Variants in ACSL5 observed in about 807,000 individuals in gnomAD.
ACSL5 encodes the protein acyl-CoA synthetase long chain family member 5.
Under a neutral mutation model 84.9 loss-of-function variants are expected in ACSL5, and 50 were observed. The ratio of observed to expected loss-of-function variants is 0.59; its 90% CI spans 0.47 to 0.75. The LOEUF (loss-of-function observed/expected upper bound fraction) is 0.75. Among genes scored for constraint, ACSL5 ranks in the 30% least tolerant of loss-of-function variants. The probability of loss-of-function intolerance (pLI) is 0.00; values close to 1 mark genes in which losing one functional copy is unlikely to be tolerated. For synonymous variants in ACSL5, 280 were observed against 300.7 expected, an observed-to-expected ratio of 0.93 and a Z score of 0.71; for missense variants, 775 against 830.4, an observed-to-expected ratio of 0.93 and a Z score of 0.82.
intron 1 of ACSL5, among the ~76,000 whole-genome samples, chr10:112,383,431 C>G (rs1849389511): frequency 6.6e-6 from 1 of 152,262 alleles, no homozygotes; most frequent in African/African-American, 2.4e-5. Flanking sequence ...AGGTCAGGAT[C>G]TCAGGCCATC....
intron 3 of ACSL5, among the ~76,000 whole-genome samples, chr10:112,400,766 C>T (rs1355304385): frequency 2.0e-5 from 3 of 151,990 alleles, no homozygotes; most frequent in Non-Finnish European, 4.4e-5. Context: ...GTTGTCCAAG[C>T]TAGTCTCAAA....
chr10:112,396,892 G>A (rs1038897628), intron 2 of ACSL5, among the ~76,000 whole-genome samples: 1 of 152,112 alleles, frequency 6.6e-6, no homozygotes, highest in African/African-American at 2.4e-5. Flanking sequence ...TAACGTGATG[G>A]CCCATGTAAA....
intron 1 of ACSL5, among the ~76,000 whole-genome samples, chr10:112,389,248 G>A (rs1014869931): frequency 6.6e-6 from 1 of 152,128 alleles, no homozygotes. Context: ...GGCAGAAGGC[G>A]TCCTTCAGCT....
intron 1 of ACSL5, among the ~76,000 whole-genome samples, chr10:112,381,472 G>A (rs1487909135): frequency 3.3e-5 from 5 of 151,682 alleles, no homozygotes; most frequent in Admixed American, 2.0e-4. Context: ...TTCGAGACCA[G>A]CCTGGCCAAC....
At position 112,410,593 on chromosome 10, in the gene ACSL5, C is replaced by G. The variant is rs1418836878; in HGVS notation, c.754C>G (p.Pro252Ala). 1.1e-5 allele frequency: 18 copies of G among 1,613,928 alleles called. No homozygotes were observed. The highest frequency in any genetic ancestry group is 1.2e-5 in the Non-Finnish European group (14 of 1,180,028). ...EHFRKPVPPS[P>A]EDLSVICFTS... ...GTGCTTCCTCCTCCAGCCTCCTAGC[C>G]CAGAAGACCTGAGCGTCATCTGCTT... The change falls in exon 9 of 21, where the codon CCA (proline) becomes GCA (alanine). Residue 252 changes from proline to alanine, a missense_variant. By Grantham distance (27) the Pro-to-Ala change is conservative (BLOSUM62 -1). Coordinates refer to ENST00000354655, the MANE Select transcript of ACSL5 (RefSeq NM_203379.2).
chr10:112,394,673 C>T (rs1843707054), intron 1 of ACSL5: 1 of 899,142 alleles, frequency 1.1e-6, no homozygotes, highest in African/African-American at 1.8e-5. Context: ...TTGATCCTCC[C>T]TGCTCTGTGT....
intron 1 of ACSL5, among the ~76,000 whole-genome samples, chr10:112,393,807 A>G (rs1843690617): frequency 6.6e-6 from 1 of 152,242 alleles, no homozygotes; most frequent in Non-Finnish European, 1.5e-5. Flanking sequence ...GTAGGTTTTC[A>G]TAGAGAAGTA....
In ACSL5 at chr10:112,411,882, T is replaced by C; in HGVS notation, c.871-20T>C. 6.2e-7 allele frequency: 1 copy of C among 1,606,764 alleles called. No homozygotes were observed. Among genetic ancestry groups the C allele is most frequent in the Non-Finnish European group, 8.5e-7 (1 of 1,173,310 alleles). ...GCATTAATCTCATGTTGCCTCCTCT[T>C]ACTTCCCTGGCCTACATAGCATGCT... On this transcript the variant is annotated intron_variant, in intron 10 of 20. Transcript: ENST00000354655.
chr10:112,387,429 C>T (rs2133576368), intron 1 of ACSL5, among the ~76,000 whole-genome samples: 1 of 152,284 alleles, frequency 6.6e-6, no homozygotes, highest in East Asian at 1.9e-4. Flanking sequence ...TTTGTAATTT[C>T]ATACTGGCCT....
intron 17 of ACSL5, among the ~76,000 whole-genome samples, chr10:112,423,662 A>C (rs1026913901): frequency 6.6e-6 from 1 of 152,122 alleles, no homozygotes; most frequent in African/African-American, 2.4e-5. Context: ...TGAAGGTGGG[A>C]TTCTTTAACA....
chr10:112,416,295 C>T (rs1339968736), intron 12 of ACSL5, among the ~76,000 whole-genome samples: 2 of 151,924 alleles, frequency 1.3e-5, no homozygotes. Context: ...CATGGTGAAA[C>T]CCTGTCTCTA....
intron 3 of ACSL5, among the ~76,000 whole-genome samples, chr10:112,399,769 A>G (rs1019508642): frequency 2.0e-5 from 3 of 152,240 alleles, no homozygotes; most frequent in Non-Finnish European, 4.4e-5. Context: ...ACTCCTGTCA[A>G]GTGTTAACTA....
intron 1 of ACSL5, among the ~76,000 whole-genome samples, chr10:112,382,918 C>A (rs76377062): frequency 2.0e-5 from 3 of 152,148 alleles, no homozygotes; most frequent in Non-Finnish European, 4.4e-5. Flanking sequence ...TAACAGGGCT[C>A]CCTTTGGTAA....
intron 3 of ACSL5, among the ~76,000 whole-genome samples, chr10:112,399,543 G>A (rs896641779): frequency 1.2e-4 from 18 of 152,060 alleles, no homozygotes; most frequent in African/African-American, 4.3e-4. Context: ...CTACCAAATG[G>A]GCTTTGACAC....
chr10:112,381,557 A>G (rs1344753239), intron 1 of ACSL5, among the ~76,000 whole-genome samples: 1 of 151,338 alleles, frequency 6.6e-6, no homozygotes, highest in East Asian at 2.0e-4. Flanking sequence ...AATCCCAGCT[A>G]CTCGGGAGGC....
At chr10:112,412,222 G>A (rs1844194709) in intron 11 of ACSL5, 1 of 467,620 alleles carries the variant, frequency 2.1e-6, no homozygotes, top group South Asian at 4.2e-5. Context: ...ATGGGGGTGT[G>A]TGAGTCTAGT....
At chr10:112,404,434 T>G in intron 3 of ACSL5, 77 bp from the exon 4 acceptor site, 2 of 1,141,570 alleles carry the variant, frequency 1.8e-6, no homozygotes, top group East Asian at 4.9e-5. Flanking sequence ...TCTTGCCCCT[T>G]CTTAATCTCC....
chr10:112,404,896 G>GTTAA, intron 5 of ACSL5, 90 bp downstream of exon 5: 1 of 1,109,450 alleles, frequency 9.0e-7, no homozygotes, highest in Admixed American at 2.1e-5. Flanking sequence ...TCCAACACTT[G>GTTAA]TTAATGCCTT....
At chr10:112,377,872 A>G (rs995016887) in intron 1 of ACSL5, among the ~76,000 whole-genome samples, 1 of 152,232 alleles carries the variant, frequency 6.6e-6, no homozygotes, top group African/African-American at 2.4e-5. Context: ...CTAATGGTGG[A>G]AACTTTAGCA....
Sources: allele counts gnomAD v4.1 joint callset (sites outside exome capture counted in the v4.1 genomes callset), GRCh38; gene constraint gnomAD v4.1.1; transcripts MANE v1.5; gene names NCBI Gene and HGNC (gene_info 2026-07-23, HGNC 2026-07-21).